Variants in RBFOX1 observed in about 807,000 individuals in gnomAD.
The protein encoded by RBFOX1 is RNA binding fox-1 homolog 1, also known as RNA binding protein fox-1 homolog 1.
Under a neutral mutation model 57.7 loss-of-function variants are expected in RBFOX1, and 8 were observed. The ratio of observed to expected loss-of-function variants is 0.14; its 90% confidence interval spans 0.08 to 0.25. The LOEUF is 0.25. Among genes scored for constraint, RBFOX1 ranks in the 10% least tolerant of loss-of-function variants. The pLI, the probability that RBFOX1 is intolerant of heterozygous loss-of-function variation, is 1.00. For synonymous variants in RBFOX1, 326 were observed against 222.4 expected, an observed-to-expected ratio of 1.47 and a Z score of -4.15; for missense variants, 611 against 548.5, an observed-to-expected ratio of 1.11 and a Z score of -1.14.
intron 14 of RBFOX1, among the ~76,000 whole-genome samples, chr16:7,679,784 A>T (rs1236787646): frequency 6.6e-6 from 1 of 152,004 alleles, no homozygotes; most frequent in Non-Finnish European, 1.5e-5. Context: ...GCAACCTGAG[A>T]GTCTCTGAAT....
intron 4 of RBFOX1, among the ~76,000 whole-genome samples, chr16:7,202,778 A>G (rs1301668689): frequency 6.6e-6 from 1 of 152,168 alleles, no homozygotes; most frequent in East Asian, 1.9e-4. Flanking sequence ...GGACAGTTTC[A>G]TCCTGAAACC....
chr16:6,635,928 A>T (rs2098427435), intron 2 of RBFOX1, among the ~76,000 whole-genome samples: 1 of 152,156 alleles, frequency 6.6e-6, no homozygotes, highest in Non-Finnish European at 1.5e-5. Context: ...TGACACATAC[A>T]TAATGAGGTA....
At chr16:6,314,263 G>C (rs12919937) in intron 1 of RBFOX1, among the ~76,000 whole-genome samples, 1 of 151,828 alleles carries the variant, frequency 6.6e-6, no homozygotes, top group Non-Finnish European at 1.5e-5. Flanking sequence ...ATAAGGGGCC[G>C]TTTCCCAGAC....
At position 7,249,531 on chromosome 16, in the gene RBFOX1, TTA is replaced by T. The variant is rs1297013673; in HGVS notation, c.27+197437_27+197438del. On this transcript the variant is annotated intron_variant, in intron 4 of 15. Transcript: ENST00000550418. Reference sequence around the variant, plus strand: ...ACTTCCCACATTGTATATCAACTGTTTATATGTTTTGTAGTTTTTTAATATAG... The same window carrying T: ...ACTTCCCACATTGTATATCAACTGTTTATGTTTTGTAGTTTTTTAATATAG... Among the ~76,000 whole-genome samples the T allele has an allele frequency of 3.3e-5, 5 of 152,050 alleles. No individual in the cohort carries two copies. In the East Asian group the frequency reaches 7.7e-4, roughly 23 times the overall value.
At chr16:5,933,493 C>T (rs1247661464) in intron 4 of RBFOX1, among the ~76,000 whole-genome samples, 1 of 152,184 alleles carries the variant, frequency 6.6e-6, no homozygotes. Flanking sequence ...AGGGTTGAAT[C>T]TCCTTGTTTT....
chr16:5,774,998 C>T (rs1301948935), intron 3 of RBFOX1, among the ~76,000 whole-genome samples: 1 of 152,114 alleles, frequency 6.6e-6, no homozygotes, highest in Non-Finnish European at 1.5e-5. Flanking sequence ...GATTTAAAAT[C>T]AATTTTAAGA....
At chr16:7,119,374 C>T (rs1042457926) in intron 4 of RBFOX1, among the ~76,000 whole-genome samples, 8 of 152,052 alleles carry the variant, frequency 5.3e-5, no homozygotes, top group South Asian at 2.1e-4. Flanking sequence ...ATGATGCCAG[C>T]CTCTAGAGAT....
chr16:5,950,625 C>T (rs990821743), intron 4 of RBFOX1, among the ~76,000 whole-genome samples: 5 of 152,158 alleles, frequency 3.3e-5, no homozygotes, highest in South Asian at 2.1e-4. Context: ...GTCTAACCAG[C>T]GAGTGGAAAC....
chr16:7,032,300 C>T (rs1380556739), intron 3 of RBFOX1, among the ~76,000 whole-genome samples: 1 of 151,820 alleles, frequency 6.6e-6, no homozygotes, highest in African/African-American at 2.4e-5. Flanking sequence ...AAAAATTTAG[C>T]TGGGTGTGGT....
Position 5,551,853 on chromosome 16 carries a change from G to A in RBFOX1, c.259-47049G>A, listed in dbSNP as rs544630920. On this transcript the variant is annotated intron_variant, in intron 2 of 2. Coordinates refer to the RBFOX1 transcript ENST00000585867. Reference sequence around the variant, plus strand: ...CCCCTCCCTGTGTCCATGTGTTCTCGTTGTTCAACTCCCACTTATGAGTGA... The same window carrying A: ...CCCCTCCCTGTGTCCATGTGTTCTCATTGTTCAACTCCCACTTATGAGTGA... Among the ~76,000 whole-genome samples, 19 of 149,116 alleles carry A rather than the reference G, an allele frequency of 1.3e-4. No individual in the cohort carries two copies. In the East Asian group the frequency reaches 1.4e-3, roughly 11 times the overall value.
intron 2 of RBFOX1, among the ~76,000 whole-genome samples, chr16:6,517,125 G>C (rs771756979): frequency 6.6e-6 from 1 of 152,134 alleles, no homozygotes; most frequent in African/African-American, 2.4e-5. Flanking sequence ...TGGGCCACTT[G>C]TGACCAAGAC....
chr16:7,212,652 G>T (rs2091363633), intron 4 of RBFOX1, among the ~76,000 whole-genome samples: 2 of 152,026 alleles, frequency 1.3e-5, no homozygotes, highest in South Asian at 2.1e-4. Flanking sequence ...CGAGAAAATA[G>T]CCTCAATATT....
chr16:7,465,487 G>C (rs1041600159), intron 4 of RBFOX1, among the ~76,000 whole-genome samples: 3 of 152,228 alleles, frequency 2.0e-5, no homozygotes, highest in African/African-American at 7.2e-5. Flanking sequence ...AAGGAGTCTT[G>C]TGCATGGCCT....
chr16:5,347,704 C>G (rs1006598724), intron 1 of RBFOX1, among the ~76,000 whole-genome samples: 1 of 150,452 alleles, frequency 6.6e-6, no homozygotes, highest in African/African-American at 2.5e-5. Context: ...ACCCTTCCAC[C>G]CACCCATCCA....
At chr16:6,594,662 C>G (rs975145884) in intron 2 of RBFOX1, among the ~76,000 whole-genome samples, 4 of 150,394 alleles carry the variant, frequency 2.7e-5, no homozygotes, top group African/African-American at 7.3e-5. Context: ...GTGGATTGTA[C>G]AACTCAAGGG....
intron 3 of RBFOX1, among the ~76,000 whole-genome samples, chr16:6,659,848 G>A (rs2098690051): frequency 6.6e-6 from 1 of 152,140 alleles, no homozygotes; most frequent in Non-Finnish European, 1.5e-5. Context: ...GAACTGGAGT[G>A]CTGACCTCAG....
chr16:5,258,732 A>C (rs1356397071), intron 1 of RBFOX1, among the ~76,000 whole-genome samples: 1 of 152,148 alleles, frequency 6.6e-6, no homozygotes, highest in Non-Finnish European at 1.5e-5. Flanking sequence ...CCTGACCAAC[A>C]TGGTGAAACC....
At chr16:6,375,626 C>G (rs2091072273) in intron 2 of RBFOX1, among the ~76,000 whole-genome samples, 1 of 152,098 alleles carries the variant, frequency 6.6e-6, no homozygotes. Context: ...GATTGCTGGA[C>G]AGCCCCCTTG....
intron 3 of RBFOX1, among the ~76,000 whole-genome samples, chr16:6,940,848 A>AGTGTGT (rs1283880547): frequency 0.035 from 2,042 of 58,388 alleles, 142 homozygotes; most frequent in Admixed American, 0.15. Flanking sequence ...ATGTCCGGCT[A>AGTGTGT]GTCTGTGTGT....
Sources: gnomAD v4.1 joint callset for allele counts (sites outside exome capture counted in the v4.1 genomes callset) on GRCh38, gnomAD v4.1.1 for gene constraint, MANE v1.5 for transcripts, NCBI Gene and HGNC (gene_info 2026-07-23, HGNC 2026-07-21) for gene names.